Variants in KLF12 observed in about 807,000 individuals in gnomAD.
The protein encoded by KLF12 is Krueppel-like factor 12.
In KLF12, 9 loss-of-function variants were observed where a neutral mutation model predicts 37.8. The observed-to-expected ratio is 0.24, with a 90% CI of 0.14 to 0.42. The LOEUF is 0.42. Among genes scored for constraint, KLF12 ranks in the 10% least tolerant of loss-of-function variants. The probability of loss-of-function intolerance (pLI) is 1.00; values close to 1 mark genes in which losing one functional copy is unlikely to be tolerated. For synonymous variants in KLF12, 208 were observed against 202.1 expected (o/e 1.03, Z -0.25); for missense variants, 411 against 516.0 (o/e 0.80, Z 1.97).
chr13:73,878,514 A>G (rs1038797547), intron 3 of KLF12, among the ~76,000 whole-genome samples: 20 of 152,160 alleles, frequency 1.3e-4, no homozygotes, highest in Admixed American at 5.2e-4. Context: ...TGACGTGGGA[A>G]TTTGTTCTGC....
chr13:74,117,637 G>A (rs1877384752), intron 1 of KLF12, among the ~76,000 whole-genome samples: 1 of 152,114 alleles, frequency 6.6e-6, no homozygotes, highest in South Asian at 2.1e-4. Context: ...CTTTAACCAA[G>A]TAATTAAGGT....
chr13:74,217,563 C>CTAAAAAT, the KLF12 span, among the ~76,000 whole-genome samples: 2 of 152,126 alleles, frequency 1.3e-5, no homozygotes, highest in Non-Finnish European at 2.9e-5. Flanking sequence ...CCCATCTCTA[C>CTAAAAAT]TAAAAATACA....
intron 1 of KLF12, among the ~76,000 whole-genome samples, chr13:74,028,080 G>A (rs1279581539): frequency 6.6e-6 from 1 of 152,130 alleles, no homozygotes. Context: ...CTTATTTATA[G>A]GTTGCCTCTG....
In KLF12 at chr13:73,851,072, A is replaced by C. The variant is rs114998236; in HGVS notation, c.124-4699T>G. Among the ~76,000 whole-genome samples the C allele has an allele frequency of 4.1e-3, 622 of 152,344 alleles. 1 individual carries two copies. Among genetic ancestry groups the C allele is most frequent in the African/African-American group, 0.014 (566 of 41,588 alleles). On this transcript the variant is annotated intron_variant, in intron 3 of 7. Coordinates refer to ENST00000377669, the MANE Select transcript of KLF12 (RefSeq NM_007249.5). Reference sequence around the variant, plus strand: ...TATCCATCTATAAAAGTGTGATGTTAATTCCAAACTCATACAACGGTTGTG... The same window carrying C: ...TATCCATCTATAAAAGTGTGATGTTCATTCCAAACTCATACAACGGTTGTG...
the KLF12 span, among the ~76,000 whole-genome samples, chr13:74,252,778 C>T: frequency 6.6e-6 from 1 of 152,182 alleles, no homozygotes; most frequent in Non-Finnish European, 1.5e-5. Flanking sequence ...CCCTTCTCTT[C>T]CCCATTCTTC....
the KLF12 span, among the ~76,000 whole-genome samples, chr13:74,242,197 T>C: frequency 4.1e-4 from 63 of 152,372 alleles, no homozygotes; most frequent in African/African-American, 1.5e-3. Context: ...TGGACTTTTA[T>C]TTCTGAAATG....
At chr13:74,041,777 G>A (rs1893411794) in intron 1 of KLF12, among the ~76,000 whole-genome samples, 1 of 151,148 alleles carries the variant, frequency 6.6e-6, no homozygotes, top group Non-Finnish European at 1.5e-5. Context: ...GAATAGCAAA[G>A]TTTTCAGAGC....
At chr13:74,130,648 A>G (rs1878211205) in intron 1 of KLF12, among the ~76,000 whole-genome samples, 1 of 148,366 alleles carries the variant, frequency 6.7e-6, no homozygotes, top group African/African-American at 2.4e-5. Context: ...CTCAACTCAA[A>G]AAAAAAAAAA....
chr13:73,731,464 G>A (rs1044977022), intron 6 of KLF12, among the ~76,000 whole-genome samples: 3 of 142,250 alleles, frequency 2.1e-5, no homozygotes, highest in African/African-American at 7.9e-5. Flanking sequence ...TAAACTTAAT[G>A]GTAATGGAAT....
chr13:73,875,782 T>C (rs1034761292), intron 3 of KLF12, among the ~76,000 whole-genome samples: 5 of 152,212 alleles, frequency 3.3e-5, no homozygotes, highest in Admixed American at 3.3e-4. Context: ...AAAAAATGCT[T>C]ACAGGTTTAG....
At chr13:73,973,640 A>ACT (rs1176556607) in intron 2 of KLF12, among the ~76,000 whole-genome samples, 6 of 23,052 alleles carry the variant, frequency 2.6e-4, no homozygotes, top group Non-Finnish European at 1.3e-4. Context: ...TAACCAACAC[A>ACT]AGACATAGAA....
At chr13:73,866,548 A>T (rs568079782) in intron 3 of KLF12, among the ~76,000 whole-genome samples, 65 of 152,288 alleles carry the variant, frequency 4.3e-4, no homozygotes, top group Middle Eastern at 3.4e-3. Context: ...GAACCAGAAG[A>T]CAACAGGATA....
intron 6 of KLF12, among the ~76,000 whole-genome samples, chr13:73,724,497 C>G (rs556317602): frequency 6.6e-6 from 1 of 152,224 alleles, no homozygotes; most frequent in Non-Finnish European, 1.5e-5. Flanking sequence ...TCTGTGTTAC[C>G]AGAATGACTG....
chr13:73,724,153 A>G (rs1278776302), intron 6 of KLF12, among the ~76,000 whole-genome samples: 1 of 152,222 alleles, frequency 6.6e-6, no homozygotes, highest in Non-Finnish European at 1.5e-5. Context: ...AATGCCCACC[A>G]ATGATAGACT....
At chr13:73,850,449 T>C (rs1885275068) in intron 3 of KLF12, among the ~76,000 whole-genome samples, 1 of 152,256 alleles carries the variant, frequency 6.6e-6, no homozygotes, top group Non-Finnish European at 1.5e-5. Context: ...TACAGTTATC[T>C]ATTGCTATCA....
rs148583054 is a variant in KLF12, at chr13:73,705,430, T to C, written c.1028-9759A>G. Among the ~76,000 whole-genome samples, 8 of 152,266 alleles carry C rather than the reference T, an allele frequency of 5.3e-5. No homozygotes were observed. The East Asian group carries it at 1.4e-3, about 26-fold the overall frequency. ...CTGGTACTACAGGTGTACACCACCA[T>C]GCCCAGCTAATTTTTGTAATTTTAG... On this transcript the variant is annotated intron_variant, in intron 7 of 7. Transcript: ENST00000377669.
chr13:73,810,402 T>C (rs1040448968), intron 5 of KLF12, among the ~76,000 whole-genome samples: 23 of 152,266 alleles, frequency 1.5e-4, no homozygotes, highest in African/African-American at 5.5e-4. Context: ...AATTATTTGC[T>C]ATACAAGCCC....
chr13:73,812,507 C>T (rs1882994993), intron 5 of KLF12, among the ~76,000 whole-genome samples: 1 of 150,884 alleles, frequency 6.6e-6, no homozygotes, highest in African/African-American at 2.4e-5. Context: ...TTTAATGTGT[C>T]AATTAGACCT....
intron 5 of KLF12, among the ~76,000 whole-genome samples, chr13:73,783,042 G>C (rs906809538): frequency 2.6e-5 from 4 of 152,096 alleles, no homozygotes; most frequent in South Asian, 2.1e-4. Flanking sequence ...TCCCCTGCTG[G>C]AATCATTCCA....
Sources: allele counts gnomAD v4.1 joint callset (sites outside exome capture counted in the v4.1 genomes callset), GRCh38; gene constraint gnomAD v4.1.1; transcripts MANE v1.5; gene names NCBI Gene and HGNC (gene_info 2026-07-23, HGNC 2026-07-21).